Variants in LRRC71 observed in about 807,000 individuals in gnomAD.
LRRC71 encodes leucine-rich repeat-containing protein 71.
A neutral mutation model predicts 66.6 loss-of-function variants in LRRC71; 54 were observed. The ratio of observed to expected loss-of-function variants is 0.81; its 90% CI spans 0.65 to 1.02. LRRC71 has a LOEUF of 1.02. Among genes scored for constraint, LRRC71 ranks in the 50% least tolerant of loss-of-function variants. The probability of loss-of-function intolerance (pLI) is 0.00; values close to 1 mark genes in which losing one functional copy is unlikely to be tolerated. For missense variants in LRRC71, 724 were observed against 718.0 expected, an observed-to-expected ratio of 1.01 and a Z score of -0.10; for synonymous variants, 323 against 303.9, an observed-to-expected ratio of 1.06 and a Z score of -0.65.
At chr1:156,933,644 T>A (rs1654681633), downstream of LRRC71, among the ~76,000 whole-genome samples, 1 of 152,236 alleles carries the variant, frequency 6.6e-6, no homozygotes, top group Non-Finnish European at 1.5e-5. Context: ...GTCAGCAATC[T>A]GAAACCAGAG....
At chr1:156,933,633 A>G (rs1453791558), downstream of LRRC71, among the ~76,000 whole-genome samples, 1 of 152,236 alleles carries the variant, frequency 6.6e-6, no homozygotes, top group Admixed American at 6.5e-5. Context: ...TGCCTGCAGA[A>G]GTCAGCAATC....
chr1:156,938,910 T>TG, the LRRC71 span: 1 of 205,816 alleles, frequency 4.9e-6, no homozygotes, highest in Admixed American at 5.8e-5. Flanking sequence ...CTTCCCGGGG[T>TG]GGGGACCTTC....
rs1189247335 is a variant in LRRC71, at chr1:156,927,835, TG to T, written c.906+23del. The T allele has an allele frequency of 1.9e-6, 3 of 1,612,920 alleles. No homozygotes were observed. Among genetic ancestry groups the T allele is most frequent in the Non-Finnish European group, 2.5e-6 (3 of 1,179,572 alleles). The stretch of plus-strand genomic sequence containing the variant: ...GGCTGAGGTGGGTGTGCCGATCAGG[TG>T]GGGCAGGGGCGTGGGCGGGCCGAGG... On this transcript the variant is annotated intron_variant, in intron 8 of 14. Coordinates refer to ENST00000337428, the MANE Select transcript of LRRC71 (RefSeq NM_144702.3).
At chr1:156,932,680 T>A in intron 14 of LRRC71, 135 bp downstream of exon 14, 1 of 1,589,260 alleles carries the variant, frequency 6.3e-7, no homozygotes, top group Non-Finnish European at 8.6e-7. Context: ...TTTTTAATAA[T>A]CACAACATAA....
chr1:156,937,331 G>A (rs1655667491), downstream of LRRC71: 1 of 1,613,744 alleles, frequency 6.2e-7, no homozygotes, highest in African/African-American at 1.3e-5. Flanking sequence ...GCTTGGAGGA[G>A]AGCGGCTGGG....
At position 156,924,533 on chromosome 1, in the gene LRRC71, G is replaced by A. The variant is rs1340060192; in HGVS notation, c.420G>A (p.Val140=). ...VELEQEDSKS[V]KEIYIRGWKV... ...TGGAGCAGGAGGACAGCAAGTCAGT[G>A]AAGGAAATCTACATCCGCGGTGAGC... Residue 140 remains valine, a synonymous_variant, in exon 3 of 15, where the codon GTG becomes GTA. Transcript: ENST00000337428. 4.5e-6 allele frequency: 7 copies of A among 1,551,548 alleles called. No homozygotes were observed. Among genetic ancestry groups the A allele is most frequent in the Non-Finnish European group, 6.1e-6 (7 of 1,146,978 alleles).
At chr1:156,938,584 G>A in the LRRC71 span, 1 of 1,489,150 alleles carries the variant, frequency 6.7e-7, no homozygotes, top group Non-Finnish European at 9.3e-7. Context: ...AGAGAGAACA[G>A]GAAGGAGAGA....
chr1:156,929,741 TGCCCCTGGGTG>T lies in LRRC71; in HGVS notation c.1240+15_1240+25del, dbSNP rs1321663975. On this transcript the variant is annotated intron_variant, in intron 11 of 14. Transcript: ENST00000337428. ...GGCAGGCAAGGGGAGTAAGTGCGGG[TGCCCCTGGGTG>T]GCATCTTCCTGTGTGGAGGAGGGAA... 3 of 1,551,622 alleles carry T rather than the reference TGCCCCTGGGTG, an allele frequency of 1.9e-6. No individual in the cohort carries two copies. The highest frequency in any genetic ancestry group is 2.6e-6 in the Non-Finnish European group (3 of 1,147,262).
Position 156,927,204 on chromosome 1 carries a change from AG to A in LRRC71, c.598del (p.Val200CysfsTer79). ...TCTCAGATCTCCCCTGCCCTCAGGA[AG>A]GTGTCTCTGGAGGGGAACCCACTGC... ...LLPLCSSTLR[K>X]VSLEGNPLPE... On this transcript the variant is annotated frameshift_variant, in exon 6 of 15. Coordinates refer to ENST00000337428, the MANE Select transcript of LRRC71 (RefSeq NM_144702.3). LOFTEE classifies it high-confidence loss of function. 1 of 1,612,266 alleles carries A rather than the reference AG, an allele frequency of 6.2e-7. No homozygotes were observed. Among genetic ancestry groups the A allele is most frequent in the South Asian group, 1.1e-5 (1 of 90,488 alleles).
chr1:156,933,544 C>T (rs1470710043), downstream of LRRC71, among the ~76,000 whole-genome samples: 1 of 152,246 alleles, frequency 6.6e-6, no homozygotes, highest in African/African-American at 2.4e-5. Flanking sequence ...AAAGGCTTGG[C>T]AGGCCACTTT....
chr1:156,921,611 A>T, intron 1 of LRRC71: 1 of 985,050 alleles, frequency 1.0e-6, no homozygotes, highest in Non-Finnish European at 1.2e-6. Flanking sequence ...GTGCTGGTGG[A>T]TGGGGAGAAG....
chr1:156,927,542 G>GCGCAA lies in LRRC71; in HGVS notation c.711_715dup (p.Leu239ArgfsTer42). On this transcript the variant is annotated frameshift_variant, in exon 7 of 15. Transcript: ENST00000337428. LOFTEE classifies it high-confidence loss of function. ...GAACAATAACATCGACGACCGCGGGGCGCAACTCCTGGGCCAGGCGCTGTC... is the reference window on the plus strand; with the variant it reads ...GAACAATAACATCGACGACCGCGGGGCGCAACGCAACTCCTGGGCCAGGCGCTGTC... The GCGCAA allele has an allele frequency of 1.9e-6, 3 of 1,560,100 alleles. No homozygotes were observed. The highest frequency in any genetic ancestry group is 1.7e-6 in the Non-Finnish European group (2 of 1,154,146).
chr1:156,932,076 C>T (rs1268625893), intron 13 of LRRC71, 49 bp downstream of exon 13: 2 of 1,447,220 alleles, frequency 1.4e-6, no homozygotes, highest in Admixed American at 3.9e-5. Flanking sequence ...CTACCCGGGC[C>T]CTGTCCTGCC....
the LRRC71 span, chr1:156,938,905 C>T: frequency 4.8e-5 from 10 of 207,398 alleles, no homozygotes; most frequent in Non-Finnish European, 6.7e-5. Flanking sequence ...CCACTCTTCC[C>T]GGGGTGGGGA....
Position 156,929,740 on chromosome 1 carries a change from G to T in LRRC71, c.1240+11G>T, listed in dbSNP as rs1211255177. On this transcript the variant is annotated intron_variant, in intron 11 of 14. Coordinates refer to ENST00000337428, the MANE Select transcript of LRRC71 (RefSeq NM_144702.3). ...AGGCAGGCAAGGGGAGTAAGTGCGG[G>T]TGCCCCTGGGTGGCATCTTCCTGTG... 6.4e-7 allele frequency: 1 copy of T among 1,551,924 alleles called. No individual in the cohort carries two copies. Among genetic ancestry groups the T allele is most frequent in the Admixed American group, 2.0e-5 (1 of 51,044 alleles).
chr1:156,932,559 A>ACT lies in LRRC71; in HGVS notation c.1563+20_1563+21dup. On this transcript the variant is annotated intron_variant, in intron 14 of 14. Coordinates refer to ENST00000337428, the MANE Select transcript of LRRC71 (RefSeq NM_144702.3). The stretch of plus-strand genomic sequence containing the variant: ...CTGTCCCTGGCTGTGAGTCCCTTTC[A>ACT]CTCTCTCCTGCTGAAGCAGACGTTG... 6.2e-7 allele frequency: 1 copy of ACT among 1,613,720 alleles called. No homozygotes were observed. Among genetic ancestry groups the ACT allele is most frequent in the Non-Finnish European group, 8.5e-7 (1 of 1,179,830 alleles).
chr1:156,937,233 G>GGGAAA (rs745657306), downstream of LRRC71: 2,655 of 1,613,830 alleles, frequency 1.6e-3, 31 homozygotes, highest in African/African-American at 0.028. Context: ...AGGGACCCAA[G>GGGAAA]CCCTGCTTCC....
rs1445655741 is a variant in LRRC71 at position 156,929,355 on chromosome 1, T to C, written c.1072T>C (p.Leu358=). 3.1e-6 allele frequency: 5 copies of C among 1,613,516 alleles called. No individual in the cohort carries two copies. Among genetic ancestry groups the C allele is most frequent in the Admixed American group, 1.7e-5 (1 of 59,958 alleles). The change falls in exon 10 of 15, where the codon TTG becomes CTG. Residue 358 remains leucine, a synonymous_variant. Transcript: ENST00000337428. The part of the protein sequence containing the change: ...SQMVGISNSA[L]VDKTDKTQTM... ...GATGGTAGGGATCAGCAATAGTGCA[T>C]TGGTGGACAAGACAGACAAGACGCA...
intron 1 of LRRC71, among the ~76,000 whole-genome samples, chr1:156,922,746 G>A (rs964168556): frequency 2.6e-5 from 4 of 152,162 alleles, no homozygotes; most frequent in Non-Finnish European, 2.9e-5. Flanking sequence ...GCAAAATCAG[G>A]GCTCTCACCT....
Sources: gnomAD v4.1 joint callset for allele counts (sites outside exome capture counted in the v4.1 genomes callset) on GRCh38, gnomAD v4.1.1 for gene constraint, MANE v1.5 for transcripts, NCBI Gene and HGNC (gene_info 2026-07-23, HGNC 2026-07-21) for gene names.